AGBL4: variants seen among roughly 807,000 people sequenced by gnomAD.
AGBL4 encodes cytosolic carboxypeptidase 6.
AGBL4 carries 58 observed loss-of-function variants against 66.4 expected under a neutral mutation model. The ratio of observed to expected loss-of-function variants is 0.87; its 90% CI spans 0.71 to 1.09. The LOEUF (loss-of-function observed/expected upper bound fraction) is 1.09, where lower values mean the gene tolerates loss of function less well. Among genes scored for constraint, AGBL4 ranks in the 50% least tolerant of loss-of-function variants. The pLI is 0.00. For missense variants in AGBL4, 579 were observed against 631.0 expected (o/e 0.92, Z 0.88); for synonymous variants, 234 against 222.9 (o/e 1.05, Z -0.44).
intron 1 of AGBL4, among the ~76,000 whole-genome samples, chr1:50,022,165 C>G (rs1370422608): frequency 6.6e-6 from 1 of 152,118 alleles, no homozygotes; most frequent in East Asian, 1.9e-4. Flanking sequence ...ACATACTATA[C>G]ACTTAGAAAA....
At chr1:48,598,600 A>G (rs563923874) in intron 9 of AGBL4, among the ~76,000 whole-genome samples, 14 of 152,214 alleles carry the variant, frequency 9.2e-5, no homozygotes, top group Non-Finnish European at 1.6e-4. Context: ...TACATGGGGA[A>G]CGCCTGTCTC....
chr1:48,847,915 A>C (rs1318451213), intron 6 of AGBL4, among the ~76,000 whole-genome samples: 1 of 152,196 alleles, frequency 6.6e-6, no homozygotes, highest in Non-Finnish European at 1.5e-5. Flanking sequence ...CATTAATAGA[A>C]AAACATAATT....
chr1:49,552,990 C>T (rs1267931409), intron 3 of AGBL4, among the ~76,000 whole-genome samples: 1 of 152,148 alleles, frequency 6.6e-6, no homozygotes, highest in Non-Finnish European at 1.5e-5. Context: ...TTAATATGAC[C>T]TCAATCCTTC....
At chr1:49,325,648 T>C (rs543050144) in intron 3 of AGBL4, among the ~76,000 whole-genome samples, 1 of 152,280 alleles carries the variant, frequency 6.6e-6, no homozygotes, top group Middle Eastern at 3.4e-3. Flanking sequence ...GCAAAATAAA[T>C]ACAAAGGAAA....
intron 4 of AGBL4, among the ~76,000 whole-genome samples, chr1:49,198,029 T>G (rs536035431): frequency 1.3e-5 from 2 of 152,118 alleles, no homozygotes; most frequent in Admixed American, 1.3e-4. Context: ...TTTGGTGTGC[T>G]TTCTGGCGCC....
chr1:50,001,005 T>TA (rs894020185), intron 1 of AGBL4, among the ~76,000 whole-genome samples: 30 of 150,744 alleles, frequency 2.0e-4, no homozygotes, highest in African/African-American at 7.3e-4. Context: ...AGACCACGAC[T>TA]AAAAAAAATA....
intron 6 of AGBL4, among the ~76,000 whole-genome samples, chr1:48,827,980 C>T (rs1269430491): frequency 3.5e-5 from 5 of 142,550 alleles, no homozygotes; most frequent in East Asian, 2.3e-4. Flanking sequence ...TGTGAGACCC[C>T]GTCTCTACTA....
intron 3 of AGBL4, among the ~76,000 whole-genome samples, chr1:49,671,363 C>CTT (rs1397867900): frequency 1.3e-5 from 2 of 152,100 alleles, no homozygotes; most frequent in African/African-American, 4.8e-5. Flanking sequence ...AGATGTAAAA[C>CTT]CCCAAAGTAT....
intron 3 of AGBL4, among the ~76,000 whole-genome samples, chr1:49,299,939 T>C (rs1244926369): frequency 6.6e-6 from 1 of 152,206 alleles, no homozygotes; most frequent in Non-Finnish European, 1.5e-5. Flanking sequence ...GAGCCAGTTT[T>C]GCATACCTGG....
intron 4 of AGBL4, among the ~76,000 whole-genome samples, chr1:49,243,297 C>T (rs988916915): frequency 4.6e-5 from 7 of 151,570 alleles, no homozygotes; most frequent in African/African-American, 7.3e-5. Context: ...TTGAGATCTA[C>T]GAGGTATTTT....
chr1:49,661,307 C>CAAA (rs1646264890), intron 3 of AGBL4, among the ~76,000 whole-genome samples: 2 of 151,988 alleles, frequency 1.3e-5, no homozygotes, highest in Non-Finnish European at 2.9e-5. Context: ...TGTTTTGTTC[C>CAAA]CTCCAAGTCT....
intron 11 of AGBL4, among the ~76,000 whole-genome samples, chr1:48,568,496 G>A (rs1644510725): frequency 6.6e-6 from 1 of 152,172 alleles, no homozygotes; most frequent in Non-Finnish European, 1.5e-5. Flanking sequence ...GAGGATCACT[G>A]GAGTGGCAAG....
intron 5 of AGBL4, among the ~76,000 whole-genome samples, chr1:48,887,615 A>C (rs1650498829): frequency 6.6e-6 from 1 of 152,104 alleles, no homozygotes; most frequent in East Asian, 1.9e-4. Flanking sequence ...CACAGCTAGC[A>C]ATGAGGCAGA....
At chr1:49,636,434 C>T (rs963315663) in intron 3 of AGBL4, among the ~76,000 whole-genome samples, 26 of 152,168 alleles carry the variant, frequency 1.7e-4, no homozygotes, top group African/African-American at 6.0e-4. Context: ...AAAGACCCCA[C>T]CTCCAAATAT....
At chr1:49,847,707 T>G (rs1472784101) in intron 2 of AGBL4, among the ~76,000 whole-genome samples, 5 of 149,056 alleles carry the variant, frequency 3.4e-5, no homozygotes, top group African/African-American at 9.8e-5. Flanking sequence ...ATAAACTTGT[T>G]TTTTTTTTTT....
At chr1:48,968,299 T>C (rs1487402293) in intron 5 of AGBL4, among the ~76,000 whole-genome samples, 1 of 152,000 alleles carries the variant, frequency 6.6e-6, no homozygotes, top group Admixed American at 6.6e-5. Context: ...TCGAGCAATA[T>C]GGTAAAAGTT....
At chr1:49,161,519 A>G (rs1025050657) in intron 4 of AGBL4, among the ~76,000 whole-genome samples, 3 of 152,150 alleles carry the variant, frequency 2.0e-5, no homozygotes, top group African/African-American at 7.2e-5. Context: ...CAATCTCCCA[A>G]TGGCTATTTA....
intron 3 of AGBL4, among the ~76,000 whole-genome samples, chr1:49,488,501 G>T (rs1472717937): frequency 6.6e-6 from 1 of 151,508 alleles, no homozygotes; most frequent in Non-Finnish European, 1.5e-5. Flanking sequence ...CAGGGTAAGT[G>T]GGTTATCCAT....
chr1:49,589,842 A>T (rs1345628691), intron 3 of AGBL4, among the ~76,000 whole-genome samples: 2 of 152,054 alleles, frequency 1.3e-5, no homozygotes, highest in African/African-American at 2.4e-5. Flanking sequence ...CATTCACTTA[A>T]ACAGGAAAAA....
Sources: allele counts gnomAD v4.1 joint callset (sites outside exome capture counted in the v4.1 genomes callset), GRCh38; gene constraint gnomAD v4.1.1; transcripts MANE v1.5; gene names NCBI Gene and HGNC (gene_info 2026-07-23, HGNC 2026-07-21).